The following NEGR1 variants were observed in gnomAD, a reference collection of about 807,000 sequenced individuals.
NEGR1 encodes the protein neuronal growth regulator 1, also known as IgLON family member 4.
In NEGR1, 10 loss-of-function variants were observed where a neutral mutation model predicts 40.9. The observed-to-expected ratio is 0.24, with a 90% CI of 0.15 to 0.42. NEGR1 has a LOEUF of 0.42. Ranked by LOEUF, NEGR1 falls within the 10% of genes least tolerant of loss-of-function variation. The pLI, the probability that NEGR1 is intolerant of heterozygous loss-of-function variation, is 1.00. For missense variants in NEGR1, 352 were observed against 438.9 expected (o/e 0.80, Z 1.77); for synonymous variants, 185 against 166.8 (o/e 1.11, Z -0.84).
chr1:71,409,108 A>G (rs1018328914), intron 6 of NEGR1: 1 of 152,038 alleles, frequency 6.6e-6, no homozygotes, highest in African/African-American at 2.4e-5. Context: ...TGAGTTTTTT[A>G]AAAAATAAAA....
chr1:72,082,526 G>A (rs1648045403), intron 1 of NEGR1, among the ~76,000 whole-genome samples: 1 of 151,932 alleles, frequency 6.6e-6, no homozygotes, highest in East Asian at 1.9e-4. Context: ...CATTATCTGA[G>A]GACACACAAA....
At chr1:71,581,336 G>T (rs144169581) in intron 6 of NEGR1, among the ~76,000 whole-genome samples, 1 of 152,106 alleles carries the variant, frequency 6.6e-6, no homozygotes, top group Non-Finnish European at 1.5e-5. Context: ...GGGATTAAAC[G>T]TAATGTGTCA....
At chr1:71,659,816 T>TA (rs1230547964) in intron 4 of NEGR1, among the ~76,000 whole-genome samples, 1 of 151,998 alleles carries the variant, frequency 6.6e-6, no homozygotes, top group Non-Finnish European at 1.5e-5. Flanking sequence ...ATCAAAAAGT[T>TA]AAAAAATAAC....
chr1:71,818,620 CA>C (rs1397782501), intron 2 of NEGR1, among the ~76,000 whole-genome samples: 3 of 151,854 alleles, frequency 2.0e-5, no homozygotes, highest in Non-Finnish European at 4.4e-5. Context: ...ATCTGTACAC[CA>C]AACTTCTGTG....
intron 1 of NEGR1, among the ~76,000 whole-genome samples, chr1:71,952,342 A>C (rs1368093218): frequency 6.6e-6 from 1 of 151,990 alleles, no homozygotes; most frequent in African/African-American, 2.4e-5. Flanking sequence ...GATATGAGGA[A>C]AATTTTAGTG....
At chr1:72,194,627 TG>T (rs1415790517) in intron 1 of NEGR1, among the ~76,000 whole-genome samples, 1 of 152,060 alleles carries the variant, frequency 6.6e-6, no homozygotes, top group Non-Finnish European at 1.5e-5. Context: ...CACAGCACAC[TG>T]GAGATGATGA....
chr1:71,970,634 G>A (rs1646248289), intron 1 of NEGR1, among the ~76,000 whole-genome samples: 2 of 152,046 alleles, frequency 1.3e-5, no homozygotes, highest in Non-Finnish European at 2.9e-5. Context: ...GTTTCAGTGA[G>A]CCGAGATAGT....
At chr1:72,019,102 G>A (rs573860522) in intron 1 of NEGR1, among the ~76,000 whole-genome samples, 46 of 152,274 alleles carry the variant, frequency 3.0e-4, no homozygotes, top group African/African-American at 1.0e-3. Context: ...AAGGAACAAG[G>A]GGAGAAGTCA....
intron 1 of NEGR1, among the ~76,000 whole-genome samples, chr1:72,135,388 A>C (rs1208952208): frequency 7.3e-6 from 1 of 137,536 alleles, no homozygotes; most frequent in Non-Finnish European, 1.5e-5. Flanking sequence ...AAAAAAAAAA[A>C]ACAAAAAACA....
intron 1 of NEGR1, among the ~76,000 whole-genome samples, chr1:71,943,117 CT>C (rs1209949629): frequency 7.0e-6 from 1 of 143,440 alleles, no homozygotes; most frequent in Non-Finnish European, 1.5e-5. Context: ...TATTTATAAA[CT>C]ATACATATGT....
rs187906130 is a variant in NEGR1 at position 72,148,344 on chromosome 1, G to A, written c.176+133975C>T. Among the ~76,000 whole-genome samples the A allele has an allele frequency of 1.0e-3, 159 of 152,220 alleles. No individual in the cohort carries two copies. In the Middle Eastern group the frequency reaches 0.024, roughly 23 times the overall value. ...TCCACCCTCTGAAGCAACAGCCTGAGCTCTACATTGGCCCCTTTCAGTGAT... is the reference window on the plus strand; with the variant it reads ...TCCACCCTCTGAAGCAACAGCCTGAACTCTACATTGGCCCCTTTCAGTGAT... On this transcript the variant is annotated intron_variant, in intron 1 of 6. Coordinates refer to ENST00000357731, the MANE Select transcript of NEGR1 (RefSeq NM_173808.3).
chr1:72,279,576 T>A (rs1254731750), intron 1 of NEGR1, among the ~76,000 whole-genome samples: 1 of 152,208 alleles, frequency 6.6e-6, no homozygotes, highest in Non-Finnish European at 1.5e-5. Flanking sequence ...CAAGGGCATA[T>A]GTTTGAAGGG....
At chr1:72,233,274 T>C (rs189669674) in intron 1 of NEGR1, among the ~76,000 whole-genome samples, 521 of 152,284 alleles carry the variant, frequency 3.4e-3, no homozygotes, top group Middle Eastern at 0.01. Context: ...AGGGAAACTT[T>C]ATTAATTTTT....
chr1:71,630,829 A>C (rs958101916), intron 4 of NEGR1, among the ~76,000 whole-genome samples: 1 of 151,968 alleles, frequency 6.6e-6, no homozygotes, highest in African/African-American at 2.4e-5. Flanking sequence ...ATATGCTAAA[A>C]CACTAGGTAG....
intron 4 of NEGR1, among the ~76,000 whole-genome samples, chr1:71,670,918 A>T (rs956814935): frequency 1.3e-5 from 2 of 152,020 alleles, no homozygotes; most frequent in Non-Finnish European, 2.9e-5. Flanking sequence ...ACACACACAC[A>T]CACAGAGTAT....
chr1:72,017,318 T>C (rs982277321), intron 1 of NEGR1, among the ~76,000 whole-genome samples: 1 of 152,142 alleles, frequency 6.6e-6, no homozygotes, highest in African/African-American at 2.4e-5. Flanking sequence ...CAATATCATA[T>C]GCTTCTTTGC....
chr1:71,553,165 C>G (rs1366858854), intron 6 of NEGR1, among the ~76,000 whole-genome samples: 1 of 151,446 alleles, frequency 6.6e-6, no homozygotes, highest in African/African-American at 2.4e-5. Flanking sequence ...GCATTTCTTA[C>G]TATAGCATAT....
intron 1 of NEGR1, among the ~76,000 whole-genome samples, chr1:72,069,764 G>T (rs1249936294): frequency 6.6e-6 from 1 of 152,024 alleles, no homozygotes; most frequent in Non-Finnish European, 1.5e-5. Flanking sequence ...AACAGCTTTA[G>T]AAATAAATTT....
At chr1:72,205,245 C>T (rs1164858690) in intron 1 of NEGR1, among the ~76,000 whole-genome samples, 2 of 151,980 alleles carry the variant, frequency 1.3e-5, no homozygotes, top group East Asian at 3.9e-4. Context: ...CTCCTCCATT[C>T]TTACCCAACC....
Sources: allele counts gnomAD v4.1 joint callset (sites outside exome capture counted in the v4.1 genomes callset), GRCh38; gene constraint gnomAD v4.1.1; transcripts MANE v1.5; gene names NCBI Gene and HGNC (gene_info 2026-07-23, HGNC 2026-07-21).